The following SERTAD1 variants were observed in gnomAD, a reference collection of about 807,000 sequenced individuals.
SERTAD1 encodes the protein SERTA domain containing 1, also known as SERTA domain-containing protein 1.
Under a neutral mutation model 11.7 loss-of-function variants are expected in SERTAD1, and 5 were observed. The observed-to-expected ratio is 0.43, with a 90% CI of 0.22 to 0.90. SERTAD1 has a LOEUF of 0.90. Among genes scored for constraint, SERTAD1 ranks in the 40% least tolerant of loss-of-function variants. The probability of loss-of-function intolerance (pLI) is 0.27; values close to 1 mark genes in which losing one functional copy is unlikely to be tolerated. For missense variants in SERTAD1, 287 were observed against 313.9 expected (o/e 0.91, Z 0.65); for synonymous variants, 139 against 141.4 (o/e 0.98, Z 0.12).
intron 1 of SERTAD1, 76 bp from the exon 2 acceptor site, chr19:40,423,622 A>G: frequency 2.1e-6 from 2 of 954,356 alleles, no homozygotes; most frequent in Non-Finnish European, 3.1e-6. Flanking sequence ...TGGATCTGAC[A>G]GTTGCTGCAG....
At chr19:40,424,562 A>C (rs1235441175) in intron 1 of SERTAD1, among the ~76,000 whole-genome samples, 5 of 152,254 alleles carry the variant, frequency 3.3e-5, no homozygotes, top group Non-Finnish European at 2.9e-5. Context: ...ATGTACAGAG[A>C]ATTACAGGAA....
At position 40,423,297 on chromosome 19, in the gene SERTAD1, C is replaced by T. The variant is rs145548575; in HGVS notation, c.250G>A (p.Ala84Thr). ...CTAGGCACAGGTGGCAGGGCAGCCGCGGGTGCCATGGACGCCTGGATGCGC... is the reference window on the plus strand; with the variant it reads ...CTAGGCACAGGTGGCAGGGCAGCCGTGGGTGCCATGGACGCCTGGATGCGC... ...LRRIQASMAP[A>T]AALPPVPSPP... The change falls in exon 2 of 2, where the codon GCG (alanine) becomes ACG (threonine). Residue 84 changes from alanine (A) to threonine (T), a missense_variant. Transcript: ENST00000357949. The T allele has an allele frequency of 1.9e-3, 3,112 of 1,608,588 alleles. 6 individuals carry two copies. Among genetic ancestry groups the T allele is most frequent in the Non-Finnish European group, 2.1e-3 (2,487 of 1,177,236 alleles).
At chr19:40,423,976 C>T (rs766307195) in intron 1 of SERTAD1, among the ~76,000 whole-genome samples, 3 of 152,178 alleles carry the variant, frequency 2.0e-5, no homozygotes, top group Non-Finnish European at 4.4e-5. Context: ...GATCCGCCCA[C>T]CTCTGCCTCA....
Position 40,423,264 on chromosome 19 carries a change from C to A in SERTAD1, c.283G>T (p.Ala95Ser). 6.2e-7 allele frequency: 1 copy of A among 1,607,794 alleles called. No individual in the cohort carries two copies. The highest frequency in any genetic ancestry group is 8.5e-7 in the Non-Finnish European group (1 of 1,176,492). The stretch of plus-strand genomic sequence containing the variant: ...AAGTTGTCAGCCACACTGGGGGCTG[C>A]AGGTGGGCTAGGCACAGGTGGCAGG... ...AALPPVPSPP[A>S]APSVADNLLA... Residue 95 changes from alanine to serine, a missense_variant, in exon 2 of 2, where the codon GCA becomes TCA. By Grantham distance (99) the Ala-to-Ser change is moderately conservative (BLOSUM62 1). Transcript: ENST00000357949.
rs566138367 is a variant in SERTAD1, at chr19:40,423,457, G to A, written c.90C>T (p.His30=). 7 of 1,613,036 alleles carry A rather than the reference G, an allele frequency of 4.3e-6. No individual in the cohort carries two copies. Among genetic ancestry groups the A allele is most frequent in the African/African-American group, 2.7e-5 (2 of 75,050 alleles). ...CCGGGGGTGCCTGTGCCACCGCTGTGTGGCCAGGATCTAGCCACCAGGAGT... is the reference window on the plus strand; with the variant it reads ...CCGGGGGTGCCTGTGCCACCGCTGTATGGCCAGGATCTAGCCACCAGGAGT... ...AVDSWWLDPG[H]TAVAQAPPAV... Residue 30 remains histidine, a synonymous_variant, in exon 2 of 2, where the codon CAC becomes CAT. Coordinates refer to ENST00000357949, the MANE Select transcript of SERTAD1 (RefSeq NM_013376.4).
Position 40,423,562 on chromosome 19 carries a change from A to T in SERTAD1, c.1-16T>A, listed in dbSNP as rs1380748611. The T allele has an allele frequency of 6.9e-7, 1 of 1,448,016 alleles. No homozygotes were observed. Among genetic ancestry groups the T allele is most frequent in the Non-Finnish European group, 9.5e-7 (1 of 1,055,176 alleles). The allele number at this position is 1,448,016 out of a possible 1,614,324, so 89.7% of individuals were successfully genotyped here. A position where few individuals can be genotyped will look rare whatever the true frequency, so the allele number is the denominator to read the frequency against. Reference sequence around the variant, plus strand: ...TGCTCAGCATCTGCAGAGGGCAGGGAGTTATGGAGTTATAGTCAGTTATAG... The same window carrying T: ...TGCTCAGCATCTGCAGAGGGCAGGGTGTTATGGAGTTATAGTCAGTTATAG... On this transcript the variant is annotated splice_polypyrimidine_tract_variant and intron_variant, in intron 1 of 1. Transcript: ENST00000357949.
chr19:40,424,424 T>G (rs2079609321), intron 1 of SERTAD1, among the ~76,000 whole-genome samples: 1 of 151,976 alleles, frequency 6.6e-6, no homozygotes, highest in Non-Finnish European at 1.5e-5. Context: ...ACATATTTTA[T>G]TATAATAACA....
rs368033046 is a variant in SERTAD1 at position 40,422,908 on chromosome 19, G to A, written c.639C>T (p.Ala213=). 1.3e-5 allele frequency: 21 copies of A among 1,613,162 alleles called. No homozygotes were observed. The African/African-American group carries it at 1.9e-4, about 14-fold the overall frequency. ...GKEEAPELDE[A]ELDYLMDVLV... ...GCACATCCATGAGGTAGTCCAATTC[G>A]GCCTCGTCCAGCTCCGGAGCTTCCT... The change falls in exon 2 of 2, where the codon GCC becomes GCT. Residue 213 remains alanine, a synonymous_variant. Transcript: ENST00000357949.
intron 1 of SERTAD1, among the ~76,000 whole-genome samples, chr19:40,425,516 C>A (rs944922439): frequency 8.5e-5 from 13 of 152,184 alleles, no homozygotes; most frequent in Non-Finnish European, 1.9e-4. Context: ...TGCCCCGATT[C>A]CCGGCTGTGA....
rs1362651899 is a variant in SERTAD1 at position 40,421,624 on chromosome 19, G to A, written c.*1212C>T. The A allele has an allele frequency of 6.6e-6, 1 of 152,248 alleles. No homozygotes were observed. The highest frequency in any genetic ancestry group is 1.9e-4 in the East Asian group (1 of 5,194). The allele number at this position is 152,248 out of a possible 1,614,324, so 9.4% of individuals were successfully genotyped here. A position where few individuals can be genotyped will look rare whatever the true frequency, so the allele number is the denominator to read the frequency against. On this transcript the variant is annotated 3_prime_UTR_variant, in exon 2 of 2. Transcript: ENST00000357949. ...GGAGTGAATTTTATTTTTAAAAATG[G>A]GCTGTTGTCCCCCTTTCCTCCCCCA...
intron 1 of SERTAD1, 141 bp from the exon 2 acceptor site, chr19:40,423,687 C>T (rs2079606983): frequency 1.7e-6 from 1 of 578,394 alleles, no homozygotes. Context: ...TCTTAGGGAA[C>T]TTTAAAGATA....
At chr19:40,424,789 G>A (rs2079610503) in intron 1 of SERTAD1, among the ~76,000 whole-genome samples, 1 of 152,244 alleles carries the variant, frequency 6.6e-6, no homozygotes, top group African/African-American at 2.4e-5. Flanking sequence ...CACAGAGAGT[G>A]ACATGGTAGG....
rs1358702841 is a variant in SERTAD1, at chr19:40,421,651, T to G, written c.*1185A>C. On this transcript the variant is annotated 3_prime_UTR_variant, in exon 2 of 2. Transcript: ENST00000357949. ...CTGTTGTCCCCCTTTCCTCCCCCAT[T>G]TTCCTGGAGAGCCGACTCTCAGGGC... 6.6e-6 allele frequency: 1 copy of G among 152,200 alleles called. No individual in the cohort carries two copies. Among genetic ancestry groups the G allele is most frequent in the Non-Finnish European group, 1.5e-5 (1 of 68,110 alleles). The allele number at this position is 152,200 out of a possible 1,614,324, so 9.4% of individuals were successfully genotyped here.
Position 40,425,971 on chromosome 19 carries a change from C to A in SERTAD1, c.-105G>T, listed in dbSNP as rs540198096. Reference sequence around the variant, plus strand: ...TTGGCTGTCCTCCGGAAACCCGCGCCTGGGTCGCGAGACGCAGTTCTGACT... The same window carrying A: ...TTGGCTGTCCTCCGGAAACCCGCGCATGGGTCGCGAGACGCAGTTCTGACT... On this transcript the variant is annotated 5_prime_UTR_variant, in exon 1 of 2. It adds an upstream start codon to the 5' untranslated region. Coordinates refer to ENST00000357949, the MANE Select transcript of SERTAD1 (RefSeq NM_013376.4). 1 of 152,294 alleles carries A rather than the reference C, an allele frequency of 6.6e-6. No homozygotes were observed. Among genetic ancestry groups the A allele is most frequent in the Non-Finnish European group, 1.5e-5 (1 of 68,072 alleles). The allele number at this position is 152,294 out of a possible 1,614,324, so 9.4% of individuals were successfully genotyped here.
chr19:40,422,737 G>T lies in SERTAD1; in HGVS notation c.*99C>A. 1 of 1,347,488 alleles carries T rather than the reference G, an allele frequency of 7.4e-7. No individual in the cohort carries two copies. The highest frequency in any genetic ancestry group is 9.9e-7 in the Non-Finnish European group (1 of 1,013,788). The allele number at this position is 1,347,488 out of a possible 1,614,324, so 83.5% of individuals were successfully genotyped here. A position where few individuals can be genotyped will look rare whatever the true frequency, so the allele number is the denominator to read the frequency against. ...GTCTCTCCAAAGTGGCCCAAGCCCT[G>T]TTCTCTGTACTAGGGAAGCCAGCTG... is the stretch of plus-strand genomic sequence containing the variant. On this transcript the variant is annotated 3_prime_UTR_variant, in exon 2 of 2. Transcript: ENST00000357949.
chr19:40,422,278 A>G lies in SERTAD1; in HGVS notation c.*558T>C, dbSNP rs915912006. The G allele has an allele frequency of 2.0e-5, 3 of 151,088 alleles. No homozygotes were observed. 9.4% of individuals were successfully genotyped at this position (151,088 alleles called of 1,614,324 possible). On this transcript the variant is annotated 3_prime_UTR_variant, in exon 2 of 2. Coordinates refer to ENST00000357949, the MANE Select transcript of SERTAD1 (RefSeq NM_013376.4). Reference sequence around the variant, plus strand: ...CTCAAAAAAAAAAAAAAAAAAGTTCATAATTTAAAACCCACCTCAAGTGAT... The same window carrying G: ...CTCAAAAAAAAAAAAAAAAAAGTTCGTAATTTAAAACCCACCTCAAGTGAT...
In SERTAD1 at chr19:40,423,050, A is replaced by G. The variant is rs1289989750; in HGVS notation, c.497T>C (p.Leu166Pro). The G allele has an allele frequency of 1.3e-6, 2 of 1,579,170 alleles. No individual in the cohort carries two copies. Among genetic ancestry groups the G allele is most frequent in the African/African-American group, 1.3e-5 (1 of 74,278 alleles). ...DLLGPATGCLLDDGLEGLFED... is the reference protein window; with the variant it reads ...DLLGPATGCLPDDGLEGLFED... ...AAACAGGCCCTCAAGCCCATCGTCC[A>G]GTAGACAGCCAGTGGCTGGGCCCAG... The change falls in exon 2 of 2, where the codon CTG (leucine) becomes CCG (proline). Residue 166 changes from leucine (L) to proline (P), a missense_variant. Physicochemically the swap from Leu to Pro is moderately conservative, Grantham distance 98. Transcript: ENST00000357949.
At position 40,421,753 on chromosome 19, in the gene SERTAD1, G is replaced by A. The variant is rs2079598974; in HGVS notation, c.*1083C>T. ...CCATTCTGAAAGCAATCTCCCCTTC[G>A]CTCCTCAATAAATACAGGTAGACTC... On this transcript the variant is annotated 3_prime_UTR_variant, in exon 2 of 2. Coordinates refer to ENST00000357949, the MANE Select transcript of SERTAD1 (RefSeq NM_013376.4). 1.3e-5 allele frequency: 2 copies of A among 151,464 alleles called. No homozygotes were observed. The highest frequency in any genetic ancestry group is 4.9e-5 in the African/African-American group (2 of 41,122). 9.4% of individuals were successfully genotyped at this position (151,464 alleles called of 1,614,324 possible). A position where few individuals can be genotyped will look rare whatever the true frequency, so the allele number is the denominator to read the frequency against.
intron 1 of SERTAD1, among the ~76,000 whole-genome samples, chr19:40,425,553 G>A (rs1240681033): frequency 6.6e-6 from 1 of 152,176 alleles, no homozygotes; most frequent in Non-Finnish European, 1.5e-5. Context: ...GGCGCCGTGC[G>A]AGCCGGGACC....
Sources: allele counts gnomAD v4.1 joint callset (sites outside exome capture counted in the v4.1 genomes callset), GRCh38; gene constraint gnomAD v4.1.1; transcripts MANE v1.5; gene names NCBI Gene and HGNC (gene_info 2026-07-23, HGNC 2026-07-21).